The following TSPAN31 variants were observed in gnomAD, a reference collection of about 807,000 sequenced individuals.
TSPAN31 encodes tetraspanin-31.
TSPAN31 carries 16 observed loss-of-function variants against 24.8 expected under a neutral mutation model. The ratio of observed to expected loss-of-function variants is 0.64; its 90% CI spans 0.44 to 0.98. The LOEUF (loss-of-function observed/expected upper bound fraction) is 0.98. Ranked by LOEUF, TSPAN31 falls within the 50% of genes least tolerant of loss-of-function variation. TSPAN31 has a pLI of 0.00. For missense variants in TSPAN31, 209 were observed against 251.6 expected (o/e 0.83, Z 1.15); for synonymous variants, 87 against 91.4 (o/e 0.95, Z 0.27).
chr12:57,747,307 G>C lies in TSPAN31; in HGVS notation c.*17G>C. 1 of 1,611,650 alleles carries C rather than the reference G, an allele frequency of 6.2e-7. No homozygotes were observed. ...TTTCTATGAGACTTTGGATCCTTCT[G>C]ACTTTTCTTCTGCTCTCTCTAAGCT... On this transcript the variant is annotated 3_prime_UTR_variant, in exon 6 of 6. Coordinates refer to ENST00000257910, the MANE Select transcript of TSPAN31 (RefSeq NM_005981.5).
chr12:57,747,133 T>G lies in TSPAN31; in HGVS notation c.558+2T>G, dbSNP rs753580118. ...GGACTCTTCTTTAGCTTTACAGAGG[T>G]AACATTCTCCAGTTCCCTCACACAC... On this transcript the variant is annotated splice_donor_variant, in intron 5 of 5. Transcript: ENST00000257910. LOFTEE classifies it high-confidence loss of function. 8.1e-6 allele frequency: 13 copies of G among 1,612,552 alleles called. No individual in the cohort carries two copies. Among genetic ancestry groups the G allele is most frequent in the Non-Finnish European group, 1.1e-5 (13 of 1,178,514 alleles).
In TSPAN31 at chr12:57,748,221, T is replaced by TAAAA; in HGVS notation, c.*942_*945dup. 1 of 325,532 alleles carries TAAAA rather than the reference T, an allele frequency of 3.1e-6. No homozygotes were observed. Among genetic ancestry groups the TAAAA allele is most frequent in the Non-Finnish European group, 5.7e-6 (1 of 175,048 alleles). 20.2% of individuals were successfully genotyped at this position (325,532 alleles called of 1,614,324 possible). A position where few individuals can be genotyped will look rare whatever the true frequency, so the allele number is the denominator to read the frequency against. On this transcript the variant is annotated 3_prime_UTR_variant, in exon 6 of 6. Coordinates refer to ENST00000257910, the MANE Select transcript of TSPAN31 (RefSeq NM_005981.5). Reference sequence around the variant, plus strand: ...CAAAGCCAAACAGAGGAAGAAACATTAAAAAAAAAAAAAAGACCATTATTT... The same window carrying TAAAA: ...CAAAGCCAAACAGAGGAAGAAACATTAAAAAAAAAAAAAAAAAAGACCATTATTT...
rs545773931 is a variant in TSPAN31, at chr12:57,748,708, CTTTTTTTTTT to C, written c.*1424_*1433del. ...CCTGGGATGAGCTTTCTTCTTTTTTCTTTTTTTTTTTTTTTGAGACGGAGTCTCGCTCTAT... is the reference window on the plus strand; with the variant it reads ...CCTGGGATGAGCTTTCTTCTTTTTTCTTTTTGAGACGGAGTCTCGCTCTAT... On this transcript the variant is annotated 3_prime_UTR_variant, in exon 6 of 6. Transcript: ENST00000257910. 4.3e-6 allele frequency: 3 copies of C among 693,968 alleles called. No homozygotes were observed. The highest frequency in any genetic ancestry group is 3.8e-5 in the African/African-American group (2 of 52,128). 43.0% of individuals were successfully genotyped at this position (693,968 alleles called of 1,614,324 possible). A position where few individuals can be genotyped will look rare whatever the true frequency, so the allele number is the denominator to read the frequency against.
chr12:57,745,826 G>C lies in TSPAN31; in HGVS notation c.145G>C (p.Val49Leu). ...LVSSIHIIGGVIAVGVFLLLI... is the reference protein window; with the variant it reads ...LVSSIHIIGGLIAVGVFLLLI... ...GTCCAGCATCCACATCATCGGCGGA[G>C]TCATTGCTGTGGGAGTCTTCCTTCT... Residue 49 changes from valine (V) to leucine (L), a missense_variant, in exon 2 of 6, where the codon GTC becomes CTC. Transcript: ENST00000257910. 1 of 1,614,140 alleles carries C rather than the reference G, an allele frequency of 6.2e-7. No homozygotes were observed. Among genetic ancestry groups the C allele is most frequent in the Non-Finnish European group, 8.5e-7 (1 of 1,180,020 alleles).
At position 57,745,922 on chromosome 12, in the gene TSPAN31, C is replaced by A. The variant is rs1955142647; in HGVS notation, c.231+10C>A. 1.3e-6 allele frequency: 2 copies of A among 1,589,528 alleles called. No individual in the cohort carries two copies. The highest frequency in any genetic ancestry group is 1.7e-6 in the Non-Finnish European group (2 of 1,168,530). Reference sequence around the variant, plus strand: ...AGTCCTGCTGTTCTTTGTATCCTGACCTGAAGTGATGGGGGCAACCGGGGG... The same window carrying A: ...AGTCCTGCTGTTCTTTGTATCCTGAACTGAAGTGATGGGGGCAACCGGGGG... On this transcript the variant is annotated intron_variant, in intron 2 of 5. Transcript: ENST00000257910.
In TSPAN31 at chr12:57,749,964, T is replaced by C. The variant is rs1005006906; in HGVS notation, c.*2674T>C. ...GTGAGCAGAGATCGCACTACTGCACTCCAGCCTGGCGACAGAGCAAGACTC... is the reference window on the plus strand; with the variant it reads ...GTGAGCAGAGATCGCACTACTGCACCCCAGCCTGGCGACAGAGCAAGACTC... On this transcript the variant is annotated 3_prime_UTR_variant, in exon 6 of 6. Coordinates refer to ENST00000257910, the MANE Select transcript of TSPAN31 (RefSeq NM_005981.5). The C allele has an allele frequency of 1.8e-4, 33 of 183,996 alleles. No homozygotes were observed. Among genetic ancestry groups the C allele is most frequent in the Non-Finnish European group, 3.6e-4 (32 of 87,812 alleles). 11.4% of individuals were successfully genotyped at this position (183,996 alleles called of 1,614,324 possible). A position where few individuals can be genotyped will look rare whatever the true frequency, so the allele number is the denominator to read the frequency against.
Position 57,748,812 on chromosome 12 carries a change from TCTC to T in TSPAN31, c.*1525_*1527del. 1.7e-6 allele frequency: 1 copy of T among 578,376 alleles called. No individual in the cohort carries two copies. Among genetic ancestry groups the T allele is most frequent in the Non-Finnish European group, 3.1e-6 (1 of 324,588 alleles). 35.8% of individuals were successfully genotyped at this position (578,376 alleles called of 1,614,324 possible). ...CCTCCGCCTCCTGAGTTGAAGTGAT[TCTC>T]CTATCTCAGCCTCCCAAGTAGCTGA... On this transcript the variant is annotated 3_prime_UTR_variant, in exon 6 of 6. Transcript: ENST00000257910.
rs1324120646 is a variant in TSPAN31, at chr12:57,749,471, C to T, written c.*2181C>T. 2 of 1,614,230 alleles carry T rather than the reference C, an allele frequency of 1.2e-6. No individual in the cohort carries two copies. Among genetic ancestry groups the T allele is most frequent in the Non-Finnish European group, 1.7e-6 (2 of 1,180,038 alleles). ...TCACTTACTCAAAGATTTTGCCCAA[C>T]TGGTCGGCTTCAGAGTTTCCACAGA... is the stretch of plus-strand genomic sequence containing the variant. On this transcript the variant is annotated 3_prime_UTR_variant, in exon 6 of 6. Transcript: ENST00000257910.
At position 57,748,729 on chromosome 12, in the gene TSPAN31, G is replaced by A. The variant is rs766039701; in HGVS notation, c.*1439G>A. 7 of 742,650 alleles carry A rather than the reference G, an allele frequency of 9.4e-6. No individual in the cohort carries two copies. Among genetic ancestry groups the A allele is most frequent in the Admixed American group, 4.2e-5 (2 of 47,582 alleles). The allele number at this position is 742,650 out of a possible 1,614,324, so 46.0% of individuals were successfully genotyped here. A position where few individuals can be genotyped will look rare whatever the true frequency, so the allele number is the denominator to read the frequency against. ...TTTTCTTTTTTTTTTTTTTTGAGAC[G>A]GAGTCTCGCTCTATCACCCAGGCTG... On this transcript the variant is annotated 3_prime_UTR_variant, in exon 6 of 6. Transcript: ENST00000257910.
chr12:57,746,108 G>A (rs1955146383), intron 2 of TSPAN31, 68 bp from the exon 3 acceptor site: 4 of 1,494,218 alleles, frequency 2.7e-6, no homozygotes, highest in Non-Finnish European at 3.7e-6. Flanking sequence ...GAACAGATGA[G>A]ACCAGACAGT....
In TSPAN31 at chr12:57,747,077, A is replaced by G; in HGVS notation, c.504A>G (p.Ser168=). ...QMCGEKFLKH[S]DEALKILGGV... ...GTGGAGAAAAGTTTCTTAAGCATTC[A>G]GACGAAGCCCTGAAAATCCTAGGGG... is the stretch of plus-strand genomic sequence containing the variant. Residue 168 remains serine (S), a synonymous_variant, in exon 5 of 6, where the codon TCA becomes TCG. Coordinates refer to ENST00000257910, the MANE Select transcript of TSPAN31 (RefSeq NM_005981.5). 6.2e-7 allele frequency: 1 copy of G among 1,614,218 alleles called. No homozygotes were observed.
At position 57,746,941 on chromosome 12, in the gene TSPAN31, T is replaced by C. The variant is rs1005319530; in HGVS notation, c.445-77T>C. The C allele has an allele frequency of 4.1e-5, 59 of 1,437,230 alleles. 1 individual carries two copies. In the Admixed American group the frequency reaches 9.9e-4, roughly 24 times the overall value. 89.0% of individuals were successfully genotyped at this position (1,437,230 alleles called of 1,614,324 possible). ...ACTGGTCAGATAACAGTAAAGTTTC[T>C]AGGGACATTCGGCATAGGTATTAGT... On this transcript the variant is annotated intron_variant, in intron 4 of 5. Coordinates refer to ENST00000257910, the MANE Select transcript of TSPAN31 (RefSeq NM_005981.5).
intron 1 of TSPAN31, 66 bp downstream of exon 1, chr12:57,745,283 C>T (rs1028072396): frequency 1.0e-4 from 156 of 1,544,192 alleles, no homozygotes; most frequent in South Asian, 2.3e-5. Flanking sequence ...CTCTAGGGTA[C>T]TTCCGGTGGG....
Position 57,745,874 on chromosome 12 carries a change from G to A in TSPAN31, c.193G>A (p.Val65Met). 6.2e-7 allele frequency: 1 copy of A among 1,612,704 alleles called. No individual in the cohort carries two copies. Among genetic ancestry groups the A allele is most frequent in the South Asian group, 1.1e-5 (1 of 90,986 alleles). ...FLLLIAVAGL[V>M]GAVNHHQVLL... ...TCTCCTTATTGCAGTGGCTGGACTGGTGGGTGCTGTCAACCACCACCAAGT... is the reference window on the plus strand; with the variant it reads ...TCTCCTTATTGCAGTGGCTGGACTGATGGGTGCTGTCAACCACCACCAAGT... Residue 65 changes from valine (V) to methionine (M), a missense_variant, in exon 2 of 6, where the codon GTG (valine) becomes ATG (methionine). By Grantham distance (21) the Val-to-Met change is conservative. Coordinates refer to ENST00000257910, the MANE Select transcript of TSPAN31 (RefSeq NM_005981.5).
Position 57,749,548 on chromosome 12 carries a change from A to G in TSPAN31, c.*2258A>G. 1 of 1,580,322 alleles carries G rather than the reference A, an allele frequency of 6.3e-7. No homozygotes were observed. Among genetic ancestry groups the G allele is most frequent in the Non-Finnish European group, 8.7e-7 (1 of 1,149,444 alleles). The stretch of plus-strand genomic sequence containing the variant: ...TAAGGTAGCAGTCATTTTCAAAGAT[A>G]TCTTAGTTGAATGGTTACTGCTTAG... On this transcript the variant is annotated 3_prime_UTR_variant, in exon 6 of 6. Transcript: ENST00000257910.
intron 2 of TSPAN31, 43 bp from the exon 3 acceptor site, chr12:57,746,133 C>T (rs371115531): frequency 6.4e-7 from 1 of 1,555,894 alleles, no homozygotes; most frequent in South Asian, 1.1e-5. Context: ...ATAGATGAAA[C>T]ATAAAGGAAT....
rs1172205944 is a variant in TSPAN31 at position 57,749,428 on chromosome 12, CT to C, written c.*2143del. ...AGAAAGAGGACTCAGAATAGAAAATCTTTTTCTCCCATGTTGGTCACTTACT... is the reference window on the plus strand; with the variant it reads ...AGAAAGAGGACTCAGAATAGAAAATCTTTTCTCCCATGTTGGTCACTTACT... On this transcript the variant is annotated 3_prime_UTR_variant, in exon 6 of 6. Transcript: ENST00000257910. The C allele has an allele frequency of 1.2e-6, 2 of 1,613,770 alleles. No individual in the cohort carries two copies. The highest frequency in any genetic ancestry group is 1.7e-6 in the Non-Finnish European group (2 of 1,179,766).
At position 57,749,367 on chromosome 12, in the gene TSPAN31, C is replaced by G. The variant is rs2140383403; in HGVS notation, c.*2077C>G. 1 of 1,613,546 alleles carries G rather than the reference C, an allele frequency of 6.2e-7. No individual in the cohort carries two copies. The highest frequency in any genetic ancestry group is 8.5e-7 in the Non-Finnish European group (1 of 1,179,486). On this transcript the variant is annotated 3_prime_UTR_variant, in exon 6 of 6. Coordinates refer to ENST00000257910, the MANE Select transcript of TSPAN31 (RefSeq NM_005981.5). Reference sequence around the variant, plus strand: ...TCAGGAGGGTCCTCCAGTTCCCATCCCCATGGGCAGAGCCAGTTGCCATCC... The same window carrying G: ...TCAGGAGGGTCCTCCAGTTCCCATCGCCATGGGCAGAGCCAGTTGCCATCC...
In TSPAN31 at chr12:57,747,415, A is replaced by G; in HGVS notation, c.*125A>G. 1 of 768,546 alleles carries G rather than the reference A, an allele frequency of 1.3e-6. No homozygotes were observed. Among genetic ancestry groups the G allele is most frequent in the South Asian group, 1.8e-5 (1 of 56,126 alleles). 47.6% of individuals were successfully genotyped at this position (768,546 alleles called of 1,614,324 possible). A position where few individuals can be genotyped will look rare whatever the true frequency, so the allele number is the denominator to read the frequency against. On this transcript the variant is annotated 3_prime_UTR_variant, in exon 6 of 6. Transcript: ENST00000257910. ...GGAAAGGCCCCTTGTCACATCCTCTAAAATTGATGGAATAGCAAGACTTTA... is the reference window on the plus strand; with the variant it reads ...GGAAAGGCCCCTTGTCACATCCTCTGAAATTGATGGAATAGCAAGACTTTA...
Sources: gnomAD v4.1 joint callset for allele counts on GRCh38, gnomAD v4.1.1 for gene constraint, MANE v1.5 for transcripts, NCBI Gene and HGNC (gene_info 2026-07-23, HGNC 2026-07-21) for gene names.